CPQ: variants seen among roughly 807,000 people sequenced by gnomAD.
CPQ encodes Ser-Met dipeptidase.
CPQ carries 37 observed loss-of-function variants against 45.7 expected under a neutral mutation model. The observed-to-expected ratio is 0.81, with a 90% CI of 0.62 to 1.07. The LOEUF (loss-of-function observed/expected upper bound fraction) is 1.07. CPQ is among the 50% of genes least tolerant of loss of function. The probability of loss-of-function intolerance (pLI) is 0.00; values close to 1 mark genes in which losing one functional copy is unlikely to be tolerated. For missense variants in CPQ, 537 were observed against 572.9 expected, an observed-to-expected ratio of 0.94 and a Z score of 0.64; for synonymous variants, 186 against 205.8, an observed-to-expected ratio of 0.90 and a Z score of 0.82.
rs562479515 is a variant in CPQ, at chr8:96,730,509, A to G, written c.-34-54355A>G. ...TTGGGAAGAAAATAGCCACAGAAGG[A>G]AAGTACAGGGAGGCAAACAGTGGGA... is the stretch of plus-strand genomic sequence containing the variant. On this transcript the variant is annotated intron_variant, in intron 1 of 7. Coordinates refer to ENST00000220763, the MANE Select transcript of CPQ (RefSeq NM_016134.4). Among the ~76,000 whole-genome samples the G allele has an allele frequency of 5.3e-5, 8 of 152,234 alleles. No individual in the cohort carries two copies. In the East Asian group the frequency reaches 1.6e-3, roughly 30 times the overall value.
At chr8:96,948,064 C>A (rs1813213966) in intron 4 of CPQ, among the ~76,000 whole-genome samples, 2 of 151,956 alleles carry the variant, frequency 1.3e-5, no homozygotes, top group African/African-American at 4.8e-5. Context: ...TATCAAGTCT[C>A]CCCTTTTTAA....
At chr8:96,776,402 T>C (rs1215828876) in intron 1 of CPQ, among the ~76,000 whole-genome samples, 1 of 152,162 alleles carries the variant, frequency 6.6e-6, no homozygotes, top group Non-Finnish European at 1.5e-5. Flanking sequence ...ATGTAAGTAG[T>C]ATAGAAGAAA....
rs568893854 is a variant in CPQ at position 96,929,784 on chromosome 8, A to G, written c.850-36151A>G. On this transcript the variant is annotated intron_variant, in intron 4 of 7. Coordinates refer to ENST00000220763, the MANE Select transcript of CPQ (RefSeq NM_016134.4). Reference sequence around the variant, plus strand: ...ATACAATTACCCATGTATGCTTCCAACTGAAAGCATCCACTGAAAAAATAT... The same window carrying G: ...ATACAATTACCCATGTATGCTTCCAGCTGAAAGCATCCACTGAAAAAATAT... 1.3e-4 allele frequency among the ~76,000 whole-genome samples: 20 copies of G among 152,312 alleles called. No individual in the cohort carries two copies. The South Asian group carries it at 3.5e-3, about 27-fold the overall frequency.
intron 6 of CPQ, among the ~76,000 whole-genome samples, chr8:97,048,018 G>A (rs1810291103): frequency 6.6e-6 from 1 of 152,166 alleles, no homozygotes. Context: ...CAAAAATCAA[G>A]TCTGGCTTTC....
chr8:96,718,804 A>T (rs574458699), intron 1 of CPQ, among the ~76,000 whole-genome samples: 46 of 152,270 alleles, frequency 3.0e-4, no homozygotes, highest in African/African-American at 1.1e-3. Context: ...AACTAGATAC[A>T]GAGTGTCAAT....
At chr8:96,898,724 T>C (rs1385810460) in intron 4 of CPQ, among the ~76,000 whole-genome samples, 2 of 147,358 alleles carry the variant, frequency 1.4e-5, no homozygotes, top group Non-Finnish European at 3.0e-5. Context: ...CATGTATATA[T>C]ATGTAACTAA....
At chr8:96,668,797 T>G (rs1055105419) in intron 1 of CPQ, among the ~76,000 whole-genome samples, 7 of 151,792 alleles carry the variant, frequency 4.6e-5, no homozygotes, top group Admixed American at 2.0e-4. Context: ...GTTCCCTGGG[T>G]TTTTCTTTTT....
At chr8:97,028,068 G>A (rs1456166421) in intron 5 of CPQ, among the ~76,000 whole-genome samples, 1 of 152,114 alleles carries the variant, frequency 6.6e-6, no homozygotes, top group African/African-American at 2.4e-5. Flanking sequence ...AACACCAATG[G>A]GATTGCTGAG....
chr8:96,954,174 A>G (rs1385958593), intron 4 of CPQ, among the ~76,000 whole-genome samples: 1 of 152,200 alleles, frequency 6.6e-6, no homozygotes, highest in Non-Finnish European at 1.5e-5. Flanking sequence ...GCTAATAAAT[A>G]CAAATTAAAT....
chr8:97,121,037 T>C (rs1025374524), intron 7 of CPQ, among the ~76,000 whole-genome samples: 1 of 152,228 alleles, frequency 6.6e-6, no homozygotes, highest in African/African-American at 2.4e-5. Flanking sequence ...TAAAATATCC[T>C]ACCTCATGTC....
intron 3 of CPQ, among the ~76,000 whole-genome samples, chr8:96,860,565 A>G (rs1200541816): frequency 2.6e-5 from 4 of 152,098 alleles, no homozygotes; most frequent in Non-Finnish European, 5.9e-5. Context: ...TTTTCTAAGT[A>G]GGCATTGATT....
chr8:97,041,511 C>T lies in CPQ; in HGVS notation c.1053+12017C>T, dbSNP rs545555064. Among the ~76,000 whole-genome samples the T allele has an allele frequency of 7.2e-5, 11 of 152,288 alleles. No individual in the cohort carries two copies. In the East Asian group the frequency reaches 1.7e-3, roughly 24 times the overall value. On this transcript the variant is annotated intron_variant, in intron 6 of 7. Transcript: ENST00000220763. ...TGTCTAATTGCCCTGGCCAGAACTT[C>T]CAACACTATGCTGAATAGGAGTGGT...
chr8:96,864,503 G>A (rs569471999), intron 3 of CPQ, among the ~76,000 whole-genome samples: 6 of 152,068 alleles, frequency 3.9e-5, no homozygotes, highest in African/African-American at 7.2e-5. Flanking sequence ...TAAAGGGTAC[G>A]GGAACCTCAG....
intron 3 of CPQ, among the ~76,000 whole-genome samples, chr8:96,845,772 C>T (rs980992136): frequency 6.6e-6 from 1 of 152,056 alleles, no homozygotes; most frequent in Non-Finnish European, 1.5e-5. Flanking sequence ...GTGGTATGGC[C>T]ATAGATGTGA....
At chr8:96,758,588 A>C (rs1156910371) in intron 1 of CPQ, among the ~76,000 whole-genome samples, 1 of 152,078 alleles carries the variant, frequency 6.6e-6, no homozygotes, top group Non-Finnish European at 1.5e-5. Flanking sequence ...ATAATGGGAG[A>C]TGGGGGAGGC....
chr8:96,885,325 A>G (rs1586438214), intron 4 of CPQ, among the ~76,000 whole-genome samples: 1 of 152,212 alleles, frequency 6.6e-6, no homozygotes, highest in East Asian at 1.9e-4. Flanking sequence ...CAGAACCCTC[A>G]TGATTTAATT....
At chr8:96,959,891 C>CAAAAAAAAAAAAAAAAAAAAAAA (rs540520742) in intron 4 of CPQ, among the ~76,000 whole-genome samples, 2 of 80,552 alleles carry the variant, frequency 2.5e-5, no homozygotes, top group Non-Finnish European at 5.7e-5. Flanking sequence ...ATCACAAAAG[C>CAAAAAAAAAAAAAAAAAAAAAAA]AAAAAAAAAA....
At chr8:96,816,792 C>G (rs910990740) in intron 2 of CPQ, among the ~76,000 whole-genome samples, 12 of 152,086 alleles carry the variant, frequency 7.9e-5, no homozygotes, top group African/African-American at 2.9e-4. Context: ...TGCCAATTAG[C>G]AGTAATATTT....
At chr8:97,123,057 T>A (rs1287748431) in intron 7 of CPQ, among the ~76,000 whole-genome samples, 22 of 33,482 alleles carry the variant, frequency 6.6e-4, no homozygotes, top group East Asian at 2.1e-3. Context: ...TAAAATAAAA[T>A]AAAATAAAAA....
Sources: allele counts gnomAD v4.1 joint callset (sites outside exome capture counted in the v4.1 genomes callset), GRCh38; gene constraint gnomAD v4.1.1; transcripts MANE v1.5; gene names NCBI Gene and HGNC (gene_info 2026-07-23, HGNC 2026-07-21).